Variants in MCM6 observed in about 807,000 individuals in gnomAD.
MCM6 encodes DNA replication licensing factor MCM6.
A neutral mutation model predicts 94.3 loss-of-function variants in MCM6; 46 were observed. The observed-to-expected ratio is 0.49, with a 90% CI of 0.39 to 0.62. The LOEUF is 0.62. Ranked by LOEUF, MCM6 falls within the 20% of genes least tolerant of loss-of-function variation. MCM6 has a pLI of 0.00. For missense variants in MCM6, 865 were observed against 1,017.9 expected, an observed-to-expected ratio of 0.85 and a Z score of 2.04; for synonymous variants, 335 against 351.9, an observed-to-expected ratio of 0.95 and a Z score of 0.54.
chr2:135,876,323 G>A lies in MCM6; in HGVS notation c.43C>T (p.His15Tyr), dbSNP rs767901663. The A allele has an allele frequency of 6.2e-7, 1 of 1,610,234 alleles. No individual in the cohort carries two copies. ...GCCACCTCGTCGCGGACCTCCAGGT[G>A]CTGGCTGCCGGCGCCCGGCTCCGCT... ...AAAEPGAGSQ[H>Y]LEVRDEVAEK... Residue 15 changes from histidine (H) to tyrosine (Y), a missense_variant, in exon 1 of 17, where the codon CAC becomes TAC. His to Tyr is a moderately conservative substitution (Grantham distance 83). Around this residue, in one of 3 missense-constraint regions of MCM6, gnomAD observed 404 missense variants for 451.9 expected, o/e 0.89. Transcript: ENST00000264156.
chr2:135,845,452 G>C (rs1679651851), intron 15 of MCM6, among the ~76,000 whole-genome samples: 1 of 152,184 alleles, frequency 6.6e-6, no homozygotes, highest in Non-Finnish European at 1.5e-5. Context: ...CAAAAGCTGA[G>C]GCGTCCTAGT....
chr2:135,862,325 T>C (rs1315778501), intron 8 of MCM6, among the ~76,000 whole-genome samples: 1 of 120,836 alleles, frequency 8.3e-6, no homozygotes, highest in Admixed American at 8.1e-5. Context: ...TAAAATTTTA[T>C]ACAAATAATA....
intron 8 of MCM6, among the ~76,000 whole-genome samples, chr2:135,859,722 C>T (rs938149834): frequency 2.0e-5 from 3 of 152,098 alleles, no homozygotes; most frequent in Non-Finnish European, 4.4e-5. Flanking sequence ...CGTGCCTCAG[C>T]CTCCCGAGTA....
At chr2:135,865,400 CAA>C (rs1680072906) in intron 6 of MCM6, among the ~76,000 whole-genome samples, 1 of 152,098 alleles carries the variant, frequency 6.6e-6, no homozygotes, top group Non-Finnish European at 1.5e-5. Flanking sequence ...CCTGAATGCT[CAA>C]GAGATAAGCG....
At chr2:135,870,498 T>A (rs1348569477) in intron 2 of MCM6, 137 bp from the exon 3 acceptor site, 4 of 603,276 alleles carry the variant, frequency 6.6e-6, no homozygotes. Flanking sequence ...GTAGGACACT[T>A]CTATTATCTA....
At chr2:135,865,791 T>C (rs1383670959) in intron 6 of MCM6, among the ~76,000 whole-genome samples, 2 of 152,124 alleles carry the variant, frequency 1.3e-5, no homozygotes, top group Admixed American at 6.5e-5. Context: ...CTTAACCCCA[T>C]CCCGTGCTCT....
chr2:135,866,077 G>A, intron 6 of MCM6, 55 bp downstream of exon 6: 1 of 1,599,466 alleles, frequency 6.3e-7, no homozygotes, highest in Non-Finnish European at 8.5e-7. Context: ...ACTCCAGCCT[G>A]GGTGACAGAG....
chr2:135,848,714 T>C (rs527396947), intron 13 of MCM6, among the ~76,000 whole-genome samples: 3 of 152,102 alleles, frequency 2.0e-5, no homozygotes, highest in East Asian at 3.9e-4. Flanking sequence ...AGAAACCCCA[T>C]CTCTACTAAA....
intron 11 of MCM6, among the ~76,000 whole-genome samples, chr2:135,854,218 C>T (rs536103163): frequency 1.3e-5 from 2 of 151,888 alleles, no homozygotes; most frequent in African/African-American, 4.8e-5. Context: ...TACAGCCAGA[C>T]CCTGTCTCAA....
chr2:135,844,503 C>A, intron 16 of MCM6, 42 bp downstream of exon 16: 2 of 1,405,644 alleles, frequency 1.4e-6, no homozygotes, highest in Non-Finnish European at 1.9e-6. Context: ...GCATGAACTC[C>A]CTCCCTCCCT....
intron 2 of MCM6, among the ~76,000 whole-genome samples, chr2:135,871,218 A>G (rs1302725334): frequency 2.0e-5 from 3 of 151,686 alleles, no homozygotes; most frequent in Non-Finnish European, 4.4e-5. Context: ...GGGGTCTGAA[A>G]CCCTCTAAAA....
chr2:135,848,213 T>G (rs1431062022), intron 13 of MCM6, 25 bp from the exon 14 acceptor site: 1 of 1,569,898 alleles, frequency 6.4e-7, no homozygotes. Flanking sequence ...ATGAAGTAAT[T>G]AAGCTACTTT....
In MCM6 at chr2:135,844,687, G is replaced by A. The variant is rs1333649403; in HGVS notation, c.2210-3C>T. ...CTTTAATGCTGACTCGTCCTCTTCT[G>A]CAACAAAAAAACACATTCAAATTAT... On this transcript the variant is annotated splice_polypyrimidine_tract_variant and splice_region_variant and intron_variant, in intron 15 of 16. Transcript: ENST00000264156. 3.3e-6 allele frequency: 5 copies of A among 1,535,586 alleles called. No individual in the cohort carries two copies. Among genetic ancestry groups the A allele is most frequent in the Non-Finnish European group, 4.4e-6 (5 of 1,149,070 alleles).
Position 135,857,816 on chromosome 2 carries a change from T to C in MCM6, c.1470+81A>G, listed in dbSNP as rs1679920166. ...CATTACACACTGAAGTAATGAATTT[T>C]ATCCAGGTGAACTTCTCTAGTACTA... is the stretch of plus-strand genomic sequence containing the variant. On this transcript the variant is annotated intron_variant, in intron 10 of 16. Transcript: ENST00000264156. 3.1e-5 allele frequency: 35 copies of C among 1,133,828 alleles called. 1 individual carries two copies. The highest frequency in any genetic ancestry group is 4.5e-5 in the Non-Finnish European group (34 of 752,782). The allele number at this position is 1,133,828 out of a possible 1,614,324, so 70.2% of individuals were successfully genotyped here.
chr2:135,867,622 G>C (rs1680124104), intron 4 of MCM6, among the ~76,000 whole-genome samples: 1 of 152,114 alleles, frequency 6.6e-6, no homozygotes, highest in Non-Finnish European at 1.5e-5. Flanking sequence ...GCTGAAATCT[G>C]AGGGTCCCCT....
At chr2:135,844,063 T>C (rs1679629103) in intron 16 of MCM6, among the ~76,000 whole-genome samples, 1 of 151,596 alleles carries the variant, frequency 6.6e-6, no homozygotes, top group Admixed American at 6.6e-5. Flanking sequence ...TAAATAAGAC[T>C]GGGCTCATAA....
intron 15 of MCM6, among the ~76,000 whole-genome samples, chr2:135,845,759 G>A (rs947210492): frequency 6.6e-6 from 1 of 152,154 alleles, no homozygotes; most frequent in Non-Finnish European, 1.5e-5. Context: ...GGTAGGAAGC[G>A]TACTAGTGTC....
At chr2:135,854,179 A>T (rs1383604076) in intron 11 of MCM6, among the ~76,000 whole-genome samples, 1 of 152,032 alleles carries the variant, frequency 6.6e-6, no homozygotes, top group Non-Finnish European at 1.5e-5. Context: ...GTGAACTGAG[A>T]TCATGCCACT....
At chr2:135,867,966 G>A (rs1680130086) in intron 4 of MCM6, among the ~76,000 whole-genome samples, 1 of 152,108 alleles carries the variant, frequency 6.6e-6, no homozygotes, top group African/African-American at 2.4e-5. Flanking sequence ...GGCGGAGCTT[G>A]CAGTGAGCCG....
Sources: allele counts gnomAD v4.1 joint callset (sites outside exome capture counted in the v4.1 genomes callset), GRCh38; gene constraint gnomAD v4.1.1; regional missense constraint gnomAD v4.1.1; transcripts MANE v1.5; gene names NCBI Gene and HGNC (gene_info 2026-07-23, HGNC 2026-07-21).